The following MAP4 variants were observed in gnomAD, a reference collection of about 807,000 sequenced individuals.
MAP4 encodes microtubule associated protein 4.
MAP4 carries 76 observed loss-of-function variants against 170.2 expected under a neutral mutation model. The ratio of observed to expected loss-of-function variants is 0.45; its 90% CI spans 0.37 to 0.54. MAP4 has a LOEUF of 0.54. Ranked by LOEUF, MAP4 falls within the 20% of genes least tolerant of loss-of-function variation. The pLI is 0.00. For synonymous variants in MAP4, 909 were observed against 994.5 expected (o/e 0.91, Z 1.62); for missense variants, 2,506 against 2,748.0 (o/e 0.91, Z 1.97).
At chr3:47,962,996 G>C (rs1056933832) in intron 3 of MAP4, among the ~76,000 whole-genome samples, 9 of 152,256 alleles carry the variant, frequency 5.9e-5, no homozygotes, top group South Asian at 2.1e-4. Context: ...AAACCCACTG[G>C]AGGGCCAGGC....
Position 48,026,048 on chromosome 3 carries a change from GT to G in MAP4, c.-19-27170del, listed in dbSNP as rs1474676544. 5.9e-5 allele frequency among the ~76,000 whole-genome samples: 9 copies of G among 151,980 alleles called. No homozygotes were observed. The Middle Eastern group carries it at 0.01, about 176-fold the overall frequency. ...TTTCTTTTAAATATACTCTTCTCCT[GT>G]GTCCTTACTGCTTTGTATTACCTTA... is the stretch of plus-strand genomic sequence containing the variant. On this transcript the variant is annotated intron_variant, in intron 1 of 18. Coordinates refer to the MAP4 transcript ENST00000360240.
At chr3:47,921,658 T>C in intron 5 of MAP4, 107 bp downstream of exon 5, 2 of 651,038 alleles carry the variant, frequency 3.1e-6, no homozygotes, top group South Asian at 3.9e-5. Flanking sequence ...TGGTCTCTTT[T>C]TTCTTGTTAA....
intron 1 of MAP4, among the ~76,000 whole-genome samples, chr3:48,054,284 A>C (rs2100129442): frequency 6.7e-6 from 1 of 150,192 alleles, no homozygotes; most frequent in South Asian, 2.1e-4. Context: ...GCGAGAGAGC[A>C]AGACTCTACC....
intron 1 of MAP4, among the ~76,000 whole-genome samples, chr3:48,053,846 A>T (rs2100129203): frequency 6.6e-6 from 1 of 152,228 alleles, no homozygotes; most frequent in Non-Finnish European, 1.5e-5. Context: ...GTTCATGAGT[A>T]GTATATATAG....
In MAP4 at chr3:47,850,729, T is replaced by C. The variant is rs1179470123; in HGVS notation, c.*2205A>G. 2 of 153,918 alleles carry C rather than the reference T, an allele frequency of 1.3e-5. No individual in the cohort carries two copies. The highest frequency in any genetic ancestry group is 4.8e-5 in the African/African-American group (2 of 41,440). 9.5% of individuals were successfully genotyped at this position (153,918 alleles called of 1,614,324 possible). On this transcript the variant is annotated 3_prime_UTR_variant, in exon 21 of 21. Coordinates refer to ENST00000683076, the MANE Select transcript of MAP4 (RefSeq NM_001385682.1). ...ATCAGGCAGCTTTATTTATTTACTC[T>C]TAAAACTGTTACAACAGAATCATGG...
chr3:47,930,789 C>T (rs530684545), intron 3 of MAP4, among the ~76,000 whole-genome samples: 196 of 151,810 alleles, frequency 1.3e-3, no homozygotes, highest in African/African-American at 3.3e-3. Context: ...ATTAGCCGGG[C>T]ATGGTGGAGG....
In MAP4 at chr3:47,891,859, G is replaced by A. The variant is rs1194203002; in HGVS notation, c.5434+11091C>T. ...CCACCCCAATCACTGGGCAGCCAGGGGTGATGCTATTCTCCATCTCTCCCG... is the reference window on the plus strand; with the variant it reads ...CCACCCCAATCACTGGGCAGCCAGGAGTGATGCTATTCTCCATCTCTCCCG... On this transcript the variant is annotated intron_variant, in intron 10 of 20. Transcript: ENST00000683076. 2.6e-6 allele frequency: 4 copies of A among 1,536,182 alleles called. No homozygotes were observed. In the South Asian group the frequency reaches 4.8e-5, roughly 18 times the overall value.
chr3:47,985,071 G>A (rs2100087782), intron 2 of MAP4, among the ~76,000 whole-genome samples: 1 of 152,092 alleles, frequency 6.6e-6, no homozygotes, highest in South Asian at 2.1e-4. Context: ...CCTGAGGTCA[G>A]GAGTTTGAGA....
At chr3:47,982,131 G>C (rs1007649899) in intron 2 of MAP4, among the ~76,000 whole-genome samples, 1 of 151,946 alleles carries the variant, frequency 6.6e-6, no homozygotes, top group Admixed American at 6.6e-5. Flanking sequence ...TCTTCTTGAG[G>C]AAACAAATAG....
At chr3:47,869,411 C>T in intron 15 of MAP4, 84 bp from the exon 16 acceptor site, 3 of 918,664 alleles carry the variant, frequency 3.3e-6, no homozygotes, top group Non-Finnish European at 5.4e-6. Context: ...CTGTAGGGGA[C>T]TCAAATCCAG....
At chr3:47,891,518 C>CG in intron 10 of MAP4, 1 of 1,515,076 alleles carries the variant, frequency 6.6e-7, no homozygotes, top group Non-Finnish European at 8.8e-7. Flanking sequence ...AGGCTCTTCT[C>CG]GGGCAGGGAG....
At chr3:47,934,025 G>A (rs1395713919) in intron 3 of MAP4, among the ~76,000 whole-genome samples, 1 of 152,054 alleles carries the variant, frequency 6.6e-6, no homozygotes, top group Non-Finnish European at 1.5e-5. Flanking sequence ...CACCATTTCA[G>A]TAGATATGTA....
chr3:48,087,826 G>A (rs1345731482), intron 1 of MAP4, among the ~76,000 whole-genome samples: 1 of 151,954 alleles, frequency 6.6e-6, no homozygotes, highest in Non-Finnish European at 1.5e-5. Context: ...AGAATCGAGA[G>A]GCCCTGGGGA....
chr3:47,973,870 T>C (rs1056182590), intron 3 of MAP4: 4 of 985,234 alleles, frequency 4.1e-6, no homozygotes, highest in Middle Eastern at 1.0e-3. Context: ...GTATTCTCTA[T>C]GGCAAGAGAG....
At position 47,985,841 on chromosome 3, in the gene MAP4, G is replaced by A. The variant is rs149397909; in HGVS notation, c.224-7908C>T. On this transcript the variant is annotated intron_variant, in intron 2 of 20. Transcript: ENST00000683076. ...AGAAAGGAATGTGTTGAATCTGTTG[G>A]GACAACTGATGACAATGAAATAAGG... is the stretch of plus-strand genomic sequence containing the variant. Among the ~76,000 whole-genome samples, 144 of 152,244 alleles carry A rather than the reference G, an allele frequency of 9.5e-4. 1 individual carries two copies. Among genetic ancestry groups the A allele is most frequent in the African/African-American group, 3.1e-3 (128 of 41,538 alleles).
chr3:47,875,471 C>CT (rs1339367285), intron 12 of MAP4, among the ~76,000 whole-genome samples: 1 of 151,960 alleles, frequency 6.6e-6, no homozygotes, highest in African/African-American at 2.4e-5. Flanking sequence ...TTTCTTTTTT[C>CT]TTTTTTTGGC....
intron 1 of MAP4, among the ~76,000 whole-genome samples, chr3:48,012,079 T>C (rs1221100401): frequency 6.6e-6 from 1 of 152,144 alleles, no homozygotes; most frequent in Non-Finnish European, 1.5e-5. Context: ...TACCTACCCT[T>C]TCCTAATTGG....
intron 1 of MAP4, among the ~76,000 whole-genome samples, chr3:48,062,542 G>C (rs930199629): frequency 1.5e-5 from 2 of 135,532 alleles, no homozygotes; most frequent in Non-Finnish European, 3.1e-5. Context: ...CCATGACTAT[G>C]TACAATTGTT....
chr3:47,998,515 C>T (rs1401275643), intron 2 of MAP4, 123 bp downstream of exon 2: 4 of 743,122 alleles, frequency 5.4e-6, no homozygotes, highest in Non-Finnish European at 9.1e-6. Flanking sequence ...AACAAAGAAA[C>T]ATAAAGTTAC....
Sources: allele counts gnomAD v4.1 joint callset (sites outside exome capture counted in the v4.1 genomes callset), GRCh38; gene constraint gnomAD v4.1.1; transcripts MANE v1.5; gene names NCBI Gene and HGNC (gene_info 2026-07-23, HGNC 2026-07-21).